SPAG16: variants seen among roughly 807,000 people sequenced by gnomAD.
The protein encoded by SPAG16 is sperm-associated antigen 16 protein.
SPAG16 carries 86 observed loss-of-function variants against 80.4 expected under a neutral mutation model. The ratio of observed to expected loss-of-function variants is 1.07; its 90% CI spans 0.90 to 1.28. SPAG16 has a LOEUF of 1.28. Ranked by LOEUF, SPAG16 falls within the 50% of genes most tolerant of loss-of-function variation. The probability of loss-of-function intolerance (pLI) is 0.00; values close to 1 mark genes in which losing one functional copy is unlikely to be tolerated. For missense variants in SPAG16, 870 were observed against 765.3 expected (o/e 1.14, Z -1.61); for synonymous variants, 294 against 265.9 (o/e 1.11, Z -1.03).
chr2:213,344,547 A>C (rs2064866431), intron 6 of SPAG16, among the ~76,000 whole-genome samples: 1 of 152,060 alleles, frequency 6.6e-6, no homozygotes, highest in African/African-American at 2.4e-5. Flanking sequence ...ACCCCACAAC[A>C]GGCCCCGGTA....
chr2:214,302,928 CAT>C (rs372182075), intron 15 of SPAG16, among the ~76,000 whole-genome samples: 4 of 152,106 alleles, frequency 2.6e-5, no homozygotes, highest in African/African-American at 7.2e-5. Context: ...TCTTATGTAA[CAT>C]AAGAAAAGCT....
intron 9 of SPAG16, among the ~76,000 whole-genome samples, chr2:213,464,331 TATC>T (rs2072554873): frequency 6.6e-6 from 1 of 152,196 alleles, no homozygotes; most frequent in South Asian, 2.1e-4. Context: ...CTTTTGATAA[TATC>T]ATGTTTCTTT....
intron 13 of SPAG16, among the ~76,000 whole-genome samples, chr2:214,048,823 C>T (rs968965219): frequency 5.9e-5 from 9 of 152,196 alleles, no homozygotes; most frequent in African/African-American, 1.7e-4. Context: ...TAAATATATA[C>T]ACCTATGTAC....
At chr2:213,697,390 C>T (rs941179956) in intron 10 of SPAG16, among the ~76,000 whole-genome samples, 31 of 152,148 alleles carry the variant, frequency 2.0e-4, no homozygotes, top group African/African-American at 6.0e-4. Context: ...AATTGCTGTG[C>T]ATCTTGAAGC....
chr2:214,032,303 C>T (rs577173395), intron 13 of SPAG16, among the ~76,000 whole-genome samples: 1 of 152,174 alleles, frequency 6.6e-6, no homozygotes, highest in Admixed American at 6.5e-5. Context: ...CTTTGTTTTA[C>T]CCCTCTTTGA....
At chr2:213,943,950 C>T (rs2079325778) in intron 12 of SPAG16, among the ~76,000 whole-genome samples, 1 of 152,164 alleles carries the variant, frequency 6.6e-6, no homozygotes, top group South Asian at 2.1e-4. Context: ...ACTTCTTAGA[C>T]ACTACAGCAC....
chr2:214,265,755 C>A (rs528075708), intron 15 of SPAG16, among the ~76,000 whole-genome samples: 18 of 151,730 alleles, frequency 1.2e-4, no homozygotes, highest in Non-Finnish European at 2.4e-4. Flanking sequence ...GTATATAATT[C>A]ATTTTGAGTT....
intron 10 of SPAG16, among the ~76,000 whole-genome samples, chr2:213,714,489 T>G (rs2066145434): frequency 6.6e-6 from 1 of 152,130 alleles, no homozygotes; most frequent in Non-Finnish European, 1.5e-5. Flanking sequence ...TAAAAGAGAT[T>G]TTTACAGTTG....
At chr2:213,644,138 C>T (rs2062732109) in intron 10 of SPAG16, among the ~76,000 whole-genome samples, 1 of 151,450 alleles carries the variant, frequency 6.6e-6, no homozygotes, top group African/African-American at 2.4e-5. Context: ...GGCTCTGATG[C>T]ACCCTTCAGT....
chr2:213,964,968 A>T (rs1237783435), intron 12 of SPAG16, among the ~76,000 whole-genome samples: 2 of 152,232 alleles, frequency 1.3e-5, no homozygotes, highest in Non-Finnish European at 2.9e-5. Flanking sequence ...GCTGATAAGT[A>T]CAATATTTGG....
rs1169476583 is a variant in SPAG16 at position 213,515,912 on chromosome 2, G to A, written c.1070+25822G>A. 3.3e-5 allele frequency among the ~76,000 whole-genome samples: 5 copies of A among 152,194 alleles called. No homozygotes were observed. The East Asian group carries it at 5.8e-4, about 18-fold the overall frequency. ...CAGAGTTTCAGCCCTCCGGTGTGAAGTAGGAATTGCTCAATGATTCCTGTA... is the reference window on the plus strand; with the variant it reads ...CAGAGTTTCAGCCCTCCGGTGTGAAATAGGAATTGCTCAATGATTCCTGTA... On this transcript the variant is annotated intron_variant, in intron 10 of 15. Transcript: ENST00000331683.
chr2:213,539,813 T>C (rs2076369697), intron 10 of SPAG16, among the ~76,000 whole-genome samples: 2 of 152,162 alleles, frequency 1.3e-5, no homozygotes, highest in South Asian at 2.1e-4. Context: ...ATTTAAAAAA[T>C]AAAAACGTTG....
At chr2:213,621,476 A>G (rs1252384697) in intron 10 of SPAG16, among the ~76,000 whole-genome samples, 1 of 152,186 alleles carries the variant, frequency 6.6e-6, no homozygotes, top group Non-Finnish European at 1.5e-5. Flanking sequence ...TGGAGTGGGA[A>G]TTTTTAATGG....
chr2:214,407,248 T>C (rs1256821953), intron 15 of SPAG16, among the ~76,000 whole-genome samples: 3 of 152,108 alleles, frequency 2.0e-5, no homozygotes, highest in Non-Finnish European at 4.4e-5. Context: ...ATTGTTATAA[T>C]TATTCTTGTT....
intron 8 of SPAG16, among the ~76,000 whole-genome samples, chr2:213,373,419 T>C (rs2066738755): frequency 6.6e-6 from 1 of 152,210 alleles, no homozygotes; most frequent in Non-Finnish European, 1.5e-5. Flanking sequence ...TGTTTATTCC[T>C]AAGTTTTGGT....
At chr2:213,875,150 G>A (rs1015422424) in intron 11 of SPAG16, among the ~76,000 whole-genome samples, 13 of 150,418 alleles carry the variant, frequency 8.6e-5, no homozygotes, top group South Asian at 4.2e-4. Flanking sequence ...TATTGCCCAC[G>A]CTGGTCTCAA....
intron 15 of SPAG16, among the ~76,000 whole-genome samples, chr2:214,186,270 A>T (rs868813033): frequency 5.3e-5 from 8 of 152,136 alleles, no homozygotes; most frequent in Middle Eastern, 3.2e-3. Context: ...AAGCTGGAGT[A>T]TAAAGCATAA....
Position 214,017,375 on chromosome 2 carries a change from G to A in SPAG16, c.1527+3298G>A, listed in dbSNP as rs1010142827. On this transcript the variant is annotated intron_variant, in intron 13 of 15. Coordinates refer to ENST00000331683, the MANE Select transcript of SPAG16 (RefSeq NM_024532.5). ...TGTGAAGTTTGTATAAAAGTGATTG[G>A]TAGAGGAATATCCATAGAGAAAATA... 1.1e-4 allele frequency among the ~76,000 whole-genome samples: 17 copies of A among 152,236 alleles called. No individual in the cohort carries two copies. In the South Asian group the frequency reaches 1.7e-3, roughly 15 times the overall value.
intron 12 of SPAG16, among the ~76,000 whole-genome samples, chr2:213,978,550 TC>T (rs1212113807): frequency 1.3e-5 from 2 of 152,128 alleles, no homozygotes; most frequent in African/African-American, 2.4e-5. Flanking sequence ...CCACACTACT[TC>T]CAATTTCTAA....
Sources: gnomAD v4.1 joint callset for allele counts (sites outside exome capture counted in the v4.1 genomes callset) on GRCh38, gnomAD v4.1.1 for gene constraint, MANE v1.5 for transcripts, NCBI Gene and HGNC (gene_info 2026-07-23, HGNC 2026-07-21) for gene names.